CNTNAP5: variants seen among roughly 807,000 people sequenced by gnomAD.
CNTNAP5 encodes the protein contactin-associated protein-like 5.
In CNTNAP5, 72 loss-of-function variants were observed where a neutral mutation model predicts 150.2. The ratio of observed to expected loss-of-function variants is 0.48; its 90% CI spans 0.40 to 0.58. The LOEUF (loss-of-function observed/expected upper bound fraction) is 0.58, where lower values mean the gene tolerates loss of function less well. CNTNAP5 is among the 20% of genes least tolerant of loss of function. CNTNAP5 has a pLI of 0.00. For missense variants in CNTNAP5, 1,636 were observed against 1,626.2 expected, an observed-to-expected ratio of 1.01 and a Z score of -0.10; for synonymous variants, 672 against 619.8, an observed-to-expected ratio of 1.08 and a Z score of -1.25.
chr2:124,142,837 T>G (rs1684151807), intron 1 of CNTNAP5, among the ~76,000 whole-genome samples: 1 of 150,956 alleles, frequency 6.6e-6, no homozygotes, highest in Non-Finnish European at 1.5e-5. Context: ...TTCAAAAAAA[T>G]CAATAAATCC....
At chr2:124,748,002 TG>T (rs943496429) in intron 14 of CNTNAP5, among the ~76,000 whole-genome samples, 3 of 151,686 alleles carry the variant, frequency 2.0e-5, no homozygotes, top group Admixed American at 6.6e-5. Context: ...TATTGAGCTT[TG>T]CGATTGAGTC....
At chr2:124,592,361 G>A (rs568524385) in intron 11 of CNTNAP5, among the ~76,000 whole-genome samples, 146 of 123,510 alleles carry the variant, frequency 1.2e-3, no homozygotes, top group African/African-American at 4.1e-3. Context: ...ATATGTATAC[G>A]TGTGTATATA....
chr2:124,057,448 A>ATTTTTTTTTTTTTTTTT lies in CNTNAP5; in HGVS notation c.82+31723_82+31739dup, dbSNP rs556571236. On this transcript the variant is annotated intron_variant, in intron 1 of 23. Coordinates refer to ENST00000682447, the MANE Select transcript of CNTNAP5 (RefSeq NM_001367498.1). Reference sequence around the variant, plus strand: ...AGGCACCCACCAGCACGGCCAGCTAATTTTTTTTTTTTTTTTTTTTTTTAG... The same window carrying ATTTTTTTTTTTTTTTTT: ...AGGCACCCACCAGCACGGCCAGCTAATTTTTTTTTTTTTTTTTTTTTTTTTTTTTTTTTTTTTTTTAG... 2.1e-3 allele frequency among the ~76,000 whole-genome samples: 132 copies of ATTTTTTTTTTTTTTTTT among 62,772 alleles called. 26 individuals carry two copies. Among genetic ancestry groups the ATTTTTTTTTTTTTTTTT allele is most frequent in the African/African-American group, 0.01 (129 of 12,728 alleles). 41.2% of individuals were successfully genotyped at this position (62,772 alleles called of 152,430 possible). A position where few individuals can be genotyped will look rare whatever the true frequency, so the allele number is the denominator to read the frequency against.
At chr2:124,397,156 G>GT (rs1001045468) in intron 3 of CNTNAP5, among the ~76,000 whole-genome samples, 1 of 152,114 alleles carries the variant, frequency 6.6e-6, no homozygotes, top group Non-Finnish European at 1.5e-5. Context: ...TAGTGAGCAA[G>GT]TTTTTTTTCT....
chr2:124,567,366 C>G (rs1263584494), intron 11 of CNTNAP5, among the ~76,000 whole-genome samples: 1 of 152,142 alleles, frequency 6.6e-6, no homozygotes, highest in Non-Finnish European at 1.5e-5. Flanking sequence ...CTAATTTGGT[C>G]ACTTTTCAAA....
At chr2:124,243,235 T>C (rs1558816626) in intron 3 of CNTNAP5, among the ~76,000 whole-genome samples, 2 of 152,218 alleles carry the variant, frequency 1.3e-5, no homozygotes, top group Non-Finnish European at 2.9e-5. Context: ...TTAATCCAAA[T>C]GTGTGTAAAA....
At chr2:124,855,203 G>C (rs959595500) in intron 19 of CNTNAP5, among the ~76,000 whole-genome samples, 1 of 68,614 alleles carries the variant, frequency 1.5e-5, no homozygotes. Context: ...TTTTGACAGA[G>C]TTTTGCTCTT....
At chr2:124,327,202 G>T (rs938563637) in intron 3 of CNTNAP5, among the ~76,000 whole-genome samples, 1 of 151,744 alleles carries the variant, frequency 6.6e-6, no homozygotes, top group Non-Finnish European at 1.5e-5. Context: ...GGATGGTCTC[G>T]ATCTCCTGAC....
intron 1 of CNTNAP5, among the ~76,000 whole-genome samples, chr2:124,071,109 A>G (rs1573732675): frequency 6.6e-6 from 1 of 152,160 alleles, no homozygotes; most frequent in East Asian, 1.9e-4. Flanking sequence ...TCAATGAAGA[A>G]AATAAGAAGG....
chr2:124,806,263 A>G (rs1682078631), intron 19 of CNTNAP5, among the ~76,000 whole-genome samples: 2 of 152,306 alleles, frequency 1.3e-5, no homozygotes, highest in Non-Finnish European at 2.9e-5. Context: ...AGTTACATAT[A>G]CAGTGAGAGG....
intron 3 of CNTNAP5, among the ~76,000 whole-genome samples, chr2:124,258,722 C>A (rs149410039): frequency 1.3e-5 from 2 of 152,286 alleles, no homozygotes; most frequent in East Asian, 1.9e-4. Flanking sequence ...GGACAAAAAA[C>A]ATTTCAGCAA....
At chr2:124,272,181 T>C (rs991510497) in intron 3 of CNTNAP5, among the ~76,000 whole-genome samples, 26 of 152,198 alleles carry the variant, frequency 1.7e-4, no homozygotes, top group African/African-American at 6.3e-4. Flanking sequence ...TATAGATAGC[T>C]AACATCAAAA....
chr2:124,313,860 T>C (rs556310002), intron 3 of CNTNAP5, among the ~76,000 whole-genome samples: 62 of 152,318 alleles, frequency 4.1e-4, no homozygotes, highest in South Asian at 1.9e-3. Context: ...TTCCATTCAA[T>C]TGGTGGTGGT....
At chr2:124,576,177 T>C (rs991929113) in intron 11 of CNTNAP5, among the ~76,000 whole-genome samples, 2 of 152,026 alleles carry the variant, frequency 1.3e-5, no homozygotes, top group African/African-American at 2.4e-5. Flanking sequence ...TCTATATATA[T>C]GTGCAGAAAA....
Position 124,905,126 on chromosome 2 carries a change from G to GTT in CNTNAP5, c.3655+2038_3655+2039dup, listed in dbSNP as rs55885763. Among the ~76,000 whole-genome samples the GTT allele has an allele frequency of 1.9e-3, 246 of 126,934 alleles. 1 individual carries two copies. The highest frequency in any genetic ancestry group is 4.0e-3 in the African/African-American group (139 of 34,816). The allele number at this position is 126,934 out of a possible 152,430, so 83.3% of individuals were successfully genotyped here. ...GAATAGTTTTTTTTTGTTTTTTTTTGTTTTTTTTTTTTTCCACAAAAGGCA... is the reference window on the plus strand; with the variant it reads ...GAATAGTTTTTTTTTGTTTTTTTTTGTTTTTTTTTTTTTTTCCACAAAAGGCA... On this transcript the variant is annotated intron_variant, in intron 22 of 23. Coordinates refer to ENST00000682447, the MANE Select transcript of CNTNAP5 (RefSeq NM_001367498.1).
intron 6 of CNTNAP5, among the ~76,000 whole-genome samples, chr2:124,464,082 G>A (rs962053293): frequency 6.6e-5 from 10 of 152,140 alleles, no homozygotes; most frequent in African/African-American, 2.4e-4. Flanking sequence ...ACAATACTTT[G>A]AGAGAGTGCC....
chr2:124,473,003 A>G (rs1304537615), intron 6 of CNTNAP5, among the ~76,000 whole-genome samples: 1 of 152,054 alleles, frequency 6.6e-6, no homozygotes, highest in Non-Finnish European at 1.5e-5. Context: ...ACTAAAGAGT[A>G]TATGATTTAA....
intron 3 of CNTNAP5, among the ~76,000 whole-genome samples, chr2:124,387,891 G>A (rs1286086102): frequency 6.6e-6 from 1 of 152,092 alleles, no homozygotes; most frequent in Non-Finnish European, 1.5e-5. Flanking sequence ...ACAGTGTCCT[G>A]AAAAATACAC....
At chr2:124,233,464 T>C (rs1389720203) in intron 2 of CNTNAP5, among the ~76,000 whole-genome samples, 1 of 152,148 alleles carries the variant, frequency 6.6e-6, no homozygotes, top group Non-Finnish European at 1.5e-5. Flanking sequence ...ACTGAAACTC[T>C]TCAAGGATCC....
Sources: gnomAD v4.1 joint callset for allele counts (sites outside exome capture counted in the v4.1 genomes callset) on GRCh38, gnomAD v4.1.1 for gene constraint, MANE v1.5 for transcripts, NCBI Gene and HGNC (gene_info 2026-07-23, HGNC 2026-07-21) for gene names.